Variants in ATRNL1 observed in about 807,000 individuals in gnomAD.
The protein encoded by ATRNL1 is attractin-like protein 1.
Under a neutral mutation model 182.7 loss-of-function variants are expected in ATRNL1, and 95 were observed. The ratio of observed to expected loss-of-function variants is 0.52; its 90% CI spans 0.44 to 0.62. The LOEUF is 0.62. Among genes scored for constraint, ATRNL1 ranks in the 20% least tolerant of loss-of-function variants. The pLI is 0.00. For synonymous variants in ATRNL1, 576 were observed against 568.3 expected, an observed-to-expected ratio of 1.01 and a Z score of -0.19; for missense variants, 1,471 against 1,679.5, an observed-to-expected ratio of 0.88 and a Z score of 2.17.
At chr10:115,532,109 C>A (rs531683389) in intron 25 of ATRNL1, among the ~76,000 whole-genome samples, 1 of 151,526 alleles carries the variant, frequency 6.6e-6, no homozygotes, top group Non-Finnish European at 1.5e-5. Flanking sequence ...CTTGGCGATG[C>A]GGGCTCTTTT....
chr10:115,504,371 A>G (rs1425277470), intron 24 of ATRNL1, among the ~76,000 whole-genome samples: 1 of 152,110 alleles, frequency 6.6e-6, no homozygotes, highest in African/African-American at 2.4e-5. Flanking sequence ...TCAAAGATGA[A>G]GATAACATTC....
At chr10:115,637,603 C>CTACTATTAT (rs374566578) in intron 26 of ATRNL1, among the ~76,000 whole-genome samples, 1 of 141,828 alleles carries the variant, frequency 7.1e-6, no homozygotes, top group African/African-American at 2.6e-5. Flanking sequence ...CAATTTATTA[C>CTACTATTAT]TATTATTATT....
intron 5 of ATRNL1, among the ~76,000 whole-genome samples, chr10:115,151,370 C>T (rs1366166124): frequency 2.6e-5 from 4 of 152,196 alleles, no homozygotes; most frequent in Admixed American, 6.5e-5. Context: ...TCTCCACATT[C>T]TCTCCAGCAC....
chr10:115,523,800 G>A (rs1348244115), intron 25 of ATRNL1, among the ~76,000 whole-genome samples: 13 of 152,084 alleles, frequency 8.5e-5, no homozygotes, highest in Admixed American at 8.5e-4. Context: ...TCTATCTTAT[G>A]AGCACTCCAG....
At chr10:115,680,994 C>A (rs992675230) in intron 26 of ATRNL1, among the ~76,000 whole-genome samples, 2 of 152,050 alleles carry the variant, frequency 1.3e-5, no homozygotes, top group African/African-American at 4.8e-5. Flanking sequence ...TATAGTGTAT[C>A]CATATTTGAA....
chr10:115,939,019 CA>C (rs1285186014), intron 28 of ATRNL1, among the ~76,000 whole-genome samples: 2 of 152,060 alleles, frequency 1.3e-5, no homozygotes, highest in East Asian at 1.9e-4. Flanking sequence ...ATTCTCACCA[CA>C]AAAAAAGATG....
chr10:115,233,179 C>A (rs2144531888), intron 9 of ATRNL1, among the ~76,000 whole-genome samples: 1 of 152,132 alleles, frequency 6.6e-6, no homozygotes, highest in South Asian at 2.1e-4. Context: ...ATTTAGGACC[C>A]ATACTTGTTT....
At chr10:115,670,979 C>CT (rs1386793993) in intron 26 of ATRNL1, among the ~76,000 whole-genome samples, 1 of 152,134 alleles carries the variant, frequency 6.6e-6, no homozygotes, top group Non-Finnish European at 1.5e-5. Flanking sequence ...CTTTATCCTG[C>CT]TGAAGAGGTT....
intron 20 of ATRNL1, among the ~76,000 whole-genome samples, chr10:115,404,662 T>C (rs1565005334): frequency 6.6e-6 from 1 of 152,200 alleles, no homozygotes; most frequent in Non-Finnish European, 1.5e-5. Flanking sequence ...TAGCTTGACA[T>C]CCTTAATTAC....
chr10:115,549,299 A>G (rs782551085), intron 25 of ATRNL1, among the ~76,000 whole-genome samples, 159 bp from the exon 26 acceptor site: 1 of 152,084 alleles, frequency 6.6e-6, no homozygotes, highest in Non-Finnish European at 1.5e-5. Flanking sequence ...TGGTTTTGAG[A>G]GAACATTTTA....
intron 26 of ATRNL1, among the ~76,000 whole-genome samples, chr10:115,683,548 G>C (rs201583345): frequency 9.0e-6 from 1 of 110,944 alleles, no homozygotes; most frequent in African/African-American, 3.2e-5. Flanking sequence ...GAGAACTAGC[G>C]TTTTTTTTTT....
intron 26 of ATRNL1, among the ~76,000 whole-genome samples, chr10:115,608,433 A>T (rs1017826173): frequency 2.6e-5 from 4 of 152,052 alleles, no homozygotes; most frequent in African/African-American, 9.7e-5. Flanking sequence ...ATTTTGAAAA[A>T]TTTCTGTAGG....
At chr10:115,565,899 A>G (rs1235467033) in intron 26 of ATRNL1, among the ~76,000 whole-genome samples, 2 of 152,262 alleles carry the variant, frequency 1.3e-5, no homozygotes, top group African/African-American at 2.4e-5. Context: ...CGTACAGGTT[A>G]GCAAGATTCT....
intron 28 of ATRNL1, among the ~76,000 whole-genome samples, chr10:115,923,669 G>A (rs1555119236): frequency 1.3e-5 from 2 of 152,052 alleles, no homozygotes; most frequent in Non-Finnish European, 2.9e-5. Flanking sequence ...AGGCATTTGG[G>A]TTGGTTCCAT....
At chr10:115,312,225 G>T (rs1327038593) in intron 17 of ATRNL1, among the ~76,000 whole-genome samples, 1 of 152,048 alleles carries the variant, frequency 6.6e-6, no homozygotes, top group Non-Finnish European at 1.5e-5. Context: ...CTTTCAAGAG[G>T]TTCTATTCTG....
chr10:115,337,422 G>C (rs79959287), intron 19 of ATRNL1, among the ~76,000 whole-genome samples: 3 of 151,852 alleles, frequency 2.0e-5, no homozygotes, highest in African/African-American at 7.3e-5. Context: ...TTGTGCTATC[G>C]AATAGTAGGT....
At chr10:115,857,392 A>G in intron 28 of ATRNL1, among the ~76,000 whole-genome samples, 1 of 152,232 alleles carries the variant, frequency 6.6e-6, no homozygotes, top group East Asian at 1.9e-4. Context: ...TGAACCATGG[A>G]TATTAAGTAA....
intron 27 of ATRNL1, among the ~76,000 whole-genome samples, chr10:115,810,927 G>T (rs558188306): frequency 2.0e-5 from 3 of 151,808 alleles, no homozygotes; most frequent in Admixed American, 1.3e-4. Flanking sequence ...TATTGATATT[G>T]TCTGAGAAAT....
intron 20 of ATRNL1, among the ~76,000 whole-genome samples, chr10:115,407,266 A>G (rs1468153773): frequency 6.6e-6 from 1 of 152,192 alleles, no homozygotes; most frequent in Non-Finnish European, 1.5e-5. Flanking sequence ...GATTTGAGCT[A>G]TATAATGTAT....
Sources: allele counts gnomAD v4.1 joint callset (sites outside exome capture counted in the v4.1 genomes callset), GRCh38; gene constraint gnomAD v4.1.1; transcripts MANE v1.5; gene names NCBI Gene and HGNC (gene_info 2026-07-23, HGNC 2026-07-21).